Variants in DLG2 observed in about 807,000 individuals in gnomAD.
DLG2 encodes discs large MAGUK scaffold protein 2.
A neutral mutation model predicts 132.5 loss-of-function variants in DLG2; 45 were observed. The observed-to-expected ratio is 0.34, with a 90% CI of 0.27 to 0.44. The LOEUF (loss-of-function observed/expected upper bound fraction) is 0.44, where lower values mean the gene tolerates loss of function less well. Among genes scored for constraint, DLG2 ranks in the 20% least tolerant of loss-of-function variants. The pLI is 1.00. For synonymous variants in DLG2, 424 were observed against 419.6 expected (o/e 1.01, Z -0.13); for missense variants, 1,045 against 1,196.9 (o/e 0.87, Z 1.87).
chr11:85,520,510 T>C (rs2074214036), intron 3 of DLG2, among the ~76,000 whole-genome samples: 1 of 60,070 alleles, frequency 1.7e-5, no homozygotes, highest in Non-Finnish European at 3.1e-5. Flanking sequence ...AAAATGTATA[T>C]GGAACCACAC....
chr11:84,158,960 T>C (rs1312285267), intron 9 of DLG2, among the ~76,000 whole-genome samples: 1 of 152,096 alleles, frequency 6.6e-6, no homozygotes, highest in Non-Finnish European at 1.5e-5. Flanking sequence ...CCTTATGGGG[T>C]AATTATAAAC....
chr11:85,115,103 C>T (rs981767322), intron 5 of DLG2, among the ~76,000 whole-genome samples: 3 of 151,386 alleles, frequency 2.0e-5, no homozygotes, highest in African/African-American at 2.4e-5. Context: ...GGTGGGGGTG[C>T]GGTATTGAGA....
intron 3 of DLG2, among the ~76,000 whole-genome samples, chr11:85,341,249 G>A (rs1450885939): frequency 1.3e-5 from 2 of 152,072 alleles, no homozygotes; most frequent in Non-Finnish European, 2.9e-5. Context: ...CTCCCGAGTA[G>A]CTGGGACTAC....
At position 83,484,194 on chromosome 11, in the gene DLG2, A is replaced by C. The variant is rs138255175; in HGVS notation, c.2228T>G (p.Phe743Cys). 1 of 1,613,368 alleles carries C rather than the reference A, an allele frequency of 6.2e-7. No homozygotes were observed. Among genetic ancestry groups the C allele is most frequent in the East Asian group, 2.2e-5 (1 of 44,862 alleles). ...CTTGTAGAATGGGAATTTTCGTGAA[A>C]AGATGAAGCTCTTTTTACGCTTGTC... Reference protein sequence around the residue: ...FNDKRKKSFIFSRKFPFYKNK... With the variant: ...FNDKRKKSFICSRKFPFYKNK... The change falls in exon 22 of 28, where the codon TTT becomes TGT. Residue 743 changes from phenylalanine (F) to cysteine (C), a missense_variant. By Grantham distance (205) the Phe-to-Cys change is radical. Transcript: ENST00000376104.
intron 3 of DLG2, among the ~76,000 whole-genome samples, chr11:85,456,809 A>G (rs561461088): frequency 4.6e-5 from 7 of 152,070 alleles, no homozygotes; most frequent in African/African-American, 1.7e-4. Context: ...TTTCTATTTT[A>G]TTGTACTGTG....
In DLG2 at chr11:83,811,963, T is replaced by A. The variant is rs183883914; in HGVS notation, c.1722+21651A>T. 1.4e-3 allele frequency among the ~76,000 whole-genome samples: 218 copies of A among 152,202 alleles called. 2 individuals are homozygous for A. The highest frequency in any genetic ancestry group is 5.1e-3 in the African/African-American group (213 of 41,546). ...GTGAGAGAAAAATGTGGGAGAAGTG[T>A]TTAAAGTGTTCCAAGGAAACTAAAA... On this transcript the variant is annotated intron_variant, in intron 17 of 27. Transcript: ENST00000376104.
chr11:84,085,982 A>C (rs1480791609), intron 10 of DLG2, among the ~76,000 whole-genome samples: 1 of 152,232 alleles, frequency 6.6e-6, no homozygotes, highest in Non-Finnish European at 1.5e-5. Flanking sequence ...GCTATTTATC[A>C]GATAATTTTT....
chr11:84,854,208 C>G (rs1247832127), intron 6 of DLG2, among the ~76,000 whole-genome samples: 2 of 150,806 alleles, frequency 1.3e-5, no homozygotes, highest in Non-Finnish European at 3.0e-5. Context: ...GACTAACTTT[C>G]AGCATCAAAT....
At chr11:85,082,593 C>G (rs1337663964) in intron 6 of DLG2, among the ~76,000 whole-genome samples, 2 of 151,938 alleles carry the variant, frequency 1.3e-5, no homozygotes, top group Non-Finnish European at 2.9e-5. Context: ...TAGAAGCCTT[C>G]TCTTGATTGT....
chr11:85,561,938 A>G (rs961364779), intron 3 of DLG2, among the ~76,000 whole-genome samples: 3 of 151,850 alleles, frequency 2.0e-5, no homozygotes, highest in African/African-American at 7.2e-5. Flanking sequence ...CATTTTACAG[A>G]TACAGAAAGT....
At chr11:85,045,219 G>T (rs947842840) in intron 6 of DLG2, among the ~76,000 whole-genome samples, 1 of 152,014 alleles carries the variant, frequency 6.6e-6, no homozygotes, top group African/African-American at 2.4e-5. Context: ...GGGGAGGGTG[G>T]AGAGGTAGTC....
chr11:85,087,567 G>A (rs183878615), intron 6 of DLG2, among the ~76,000 whole-genome samples: 6 of 152,226 alleles, frequency 3.9e-5, no homozygotes, highest in South Asian at 2.1e-4. Flanking sequence ...GGCCGGGCGC[G>A]GTGGCTCACG....
intron 11 of DLG2, among the ~76,000 whole-genome samples, chr11:84,023,025 T>G (rs12793772): frequency 6.6e-6 from 1 of 152,132 alleles, no homozygotes; most frequent in Admixed American, 6.6e-5. Context: ...AAAAAAATGG[T>G]GATTTATCTT....
At chr11:84,528,601 T>A (rs1163724898) in intron 7 of DLG2, among the ~76,000 whole-genome samples, 1 of 152,220 alleles carries the variant, frequency 6.6e-6, no homozygotes, top group Non-Finnish European at 1.5e-5. Context: ...AGAGTCACAT[T>A]GTTTTCTCAG....
At chr11:85,096,985 G>T (rs1314409352) in intron 6 of DLG2, among the ~76,000 whole-genome samples, 1 of 151,970 alleles carries the variant, frequency 6.6e-6, no homozygotes, top group Non-Finnish European at 1.5e-5. Flanking sequence ...TTCAACTCCG[G>T]GGTCCCAACA....
At chr11:84,323,698 A>AT (rs988634781) in intron 7 of DLG2, among the ~76,000 whole-genome samples, 3 of 128,524 alleles carry the variant, frequency 2.3e-5, no homozygotes, top group African/African-American at 5.8e-5. Flanking sequence ...CCTCAACAAC[A>AT]TTTTTTTTGC....
intron 6 of DLG2, among the ~76,000 whole-genome samples, chr11:84,905,727 T>C (rs911992689): frequency 2.6e-5 from 4 of 152,184 alleles, no homozygotes; most frequent in African/African-American, 9.6e-5. Context: ...GTATTTTTTA[T>C]AGTCTATTCC....
At chr11:84,315,828 A>G (rs1310489204) in intron 7 of DLG2, among the ~76,000 whole-genome samples, 1 of 152,156 alleles carries the variant, frequency 6.6e-6, no homozygotes, top group Non-Finnish European at 1.5e-5. Flanking sequence ...AAAAACTATT[A>G]TTAAAATTAA....
At chr11:85,599,935 C>A (rs138053523) in intron 2 of DLG2, among the ~76,000 whole-genome samples, 1 of 152,296 alleles carries the variant, frequency 6.6e-6, no homozygotes, top group Admixed American at 6.5e-5. Context: ...AGCCCTCCTT[C>A]CCTTCCAATC....
Sources: gnomAD v4.1 joint callset for allele counts (sites outside exome capture counted in the v4.1 genomes callset) on GRCh38, gnomAD v4.1.1 for gene constraint, MANE v1.5 for transcripts, NCBI Gene and HGNC (gene_info 2026-07-23, HGNC 2026-07-21) for gene names.